The following SPATS2 variants were observed in gnomAD, a reference collection of about 807,000 sequenced individuals.
The protein encoded by SPATS2 is spermatogenesis-associated serine-rich protein 2.
SPATS2 carries 38 observed loss-of-function variants against 63.7 expected under a neutral mutation model. The observed-to-expected ratio is 0.60, with a 90% CI of 0.46 to 0.78. The LOEUF is 0.78. SPATS2 is among the 30% of genes least tolerant of loss of function. SPATS2 has a pLI of 0.00. For synonymous variants in SPATS2, 207 were observed against 232.9 expected (o/e 0.89, Z 1.01); for missense variants, 588 against 666.2 (o/e 0.88, Z 1.29).
chr12:49,518,998 C>A, intron 10 of SPATS2, 75 bp from the exon 11 acceptor site: 1 of 1,228,696 alleles, frequency 8.1e-7, no homozygotes, highest in Non-Finnish European at 1.1e-6. Flanking sequence ...ATACCTACTG[C>A]AAGGCTTATA....
intron 2 of SPATS2, among the ~76,000 whole-genome samples, chr12:49,460,003 G>A (rs1407065883): frequency 6.6e-6 from 1 of 151,734 alleles, no homozygotes; most frequent in East Asian, 1.9e-4. Context: ...AGCTACTTGG[G>A]AGGCCGAGGC....
At chr12:49,458,411 C>G (rs376918929) in intron 2 of SPATS2, among the ~76,000 whole-genome samples, 1 of 151,770 alleles carries the variant, frequency 6.6e-6, no homozygotes, top group Non-Finnish European at 1.5e-5. Flanking sequence ...AAGGTTGCAG[C>G]GAGCCAAGAT....
In SPATS2 at chr12:49,526,704, G is replaced by A. The variant is rs1947042572; in HGVS notation, c.*449G>A. ...TGTATACTGCACTGGATTCGCCAGAGAAGGGAAAATTTAATTAGTGAAAAG... is the reference window on the plus strand; with the variant it reads ...TGTATACTGCACTGGATTCGCCAGAAAAGGGAAAATTTAATTAGTGAAAAG... On this transcript the variant is annotated 3_prime_UTR_variant, in exon 14 of 14. Transcript: ENST00000552918. 6.4e-6 allele frequency: 1 copy of A among 156,958 alleles called. No individual in the cohort carries two copies. The highest frequency in any genetic ancestry group is 2.4e-5 in the African/African-American group (1 of 41,492). 9.7% of individuals were successfully genotyped at this position (156,958 alleles called of 1,614,324 possible).
At chr12:49,390,888 A>G (rs568225704) in intron 2 of SPATS2, among the ~76,000 whole-genome samples, 2 of 152,340 alleles carry the variant, frequency 1.3e-5, no homozygotes, top group Admixed American at 6.5e-5. Flanking sequence ...CTTTGAAAGA[A>G]TAAGTTTTGG....
At chr12:49,463,451 C>G (rs1242455307) in intron 3 of SPATS2, 2 of 151,058 alleles carry the variant, frequency 1.3e-5, no homozygotes, top group Non-Finnish European at 2.9e-5. Flanking sequence ...AACATAGACA[C>G]TAAGTGCTTA....
chr12:49,426,382 C>A (rs1037429867), intron 2 of SPATS2, among the ~76,000 whole-genome samples: 34 of 152,090 alleles, frequency 2.2e-4, no homozygotes, highest in African/African-American at 8.0e-4. Flanking sequence ...TATCACAAGA[C>A]CAGTATTCTG....
chr12:49,398,146 A>AAAAAAAAAAAAAAAG, intron 2 of SPATS2, among the ~76,000 whole-genome samples: 1 of 150,408 alleles, frequency 6.6e-6, no homozygotes, highest in Non-Finnish European at 1.5e-5. Flanking sequence ...AAAAAAAAAA[A>AAAAAAAAAAAAAAAG]AAAAAAAAAA....
intron 2 of SPATS2, among the ~76,000 whole-genome samples, chr12:49,402,331 G>A (rs117405501): frequency 0.018 from 2,754 of 152,246 alleles, 43 homozygotes; most frequent in Non-Finnish European, 0.029. Flanking sequence ...AAGCTGAGGA[G>A]GAAAATGAGG....
chr12:49,383,020 T>C (rs1944249527), intron 2 of SPATS2, among the ~76,000 whole-genome samples: 1 of 151,366 alleles, frequency 6.6e-6, no homozygotes, highest in African/African-American at 2.4e-5. Context: ...AATTTTATTA[T>C]TATTATTATT....
In SPATS2 at chr12:49,525,959, A is replaced by G. The variant is rs781477356; in HGVS notation, c.1342A>G (p.Arg448Gly). The G allele has an allele frequency of 6.2e-7, 1 of 1,613,866 alleles. No individual in the cohort carries two copies. The highest frequency in any genetic ancestry group is 1.1e-5 in the South Asian group (1 of 91,048). ...TCATCTTTAGGTATTGCCAGGGAACAGACGAGGAGGACAGGGCTATAGGCC... is the reference window on the plus strand; with the variant it reads ...TCATCTTTAGGTATTGCCAGGGAACGGACGAGGAGGACAGGGCTATAGGCC... ...QPLREVLPGN[R>G]RGGQGYRPQG... is the part of the protein sequence containing the mutation. The change falls in exon 14 of 14, where the codon AGA (arginine) becomes GGA (glycine). Residue 448 changes from arginine (R) to glycine (G), a missense_variant. Coordinates refer to ENST00000552918, the MANE Select transcript of SPATS2 (RefSeq NM_023071.4).
chr12:49,377,351 A>G (rs1322513537), intron 2 of SPATS2, among the ~76,000 whole-genome samples: 3 of 152,226 alleles, frequency 2.0e-5, no homozygotes, highest in South Asian at 2.1e-4. Context: ...AACAACGACT[A>G]CTAAATGTGT....
chr12:49,500,031 T>TA, intron 8 of SPATS2, 39 bp from the exon 9 acceptor site: 1 of 1,295,080 alleles, frequency 7.7e-7, no homozygotes, highest in Non-Finnish European at 9.9e-7. Flanking sequence ...ATATAATTAT[T>TA]CTTTTTTTTT....
At chr12:49,513,034 G>C (rs1359103000) in intron 9 of SPATS2, 1 of 643,898 alleles carries the variant, frequency 1.6e-6, no homozygotes, top group Non-Finnish European at 2.3e-6. Flanking sequence ...TTAACATCAT[G>C]CGTAACGATT....
intron 3 of SPATS2, among the ~76,000 whole-genome samples, chr12:49,474,103 T>C (rs957105935): frequency 1.3e-5 from 2 of 152,222 alleles, no homozygotes; most frequent in African/African-American, 4.8e-5. Context: ...TGTGTTTGCA[T>C]CGTACCTGTG....
At chr12:49,456,477 A>G (rs1020857221) in intron 2 of SPATS2, among the ~76,000 whole-genome samples, 2 of 152,264 alleles carry the variant, frequency 1.3e-5, no homozygotes, top group African/African-American at 4.8e-5. Flanking sequence ...TACTTAGGCC[A>G]CTGTAAGGAC....
chr12:49,383,013 TTTA>T (rs1255481645), intron 2 of SPATS2, among the ~76,000 whole-genome samples: 8 of 151,194 alleles, frequency 5.3e-5, no homozygotes, highest in East Asian at 3.9e-4. Flanking sequence ...CCTTTTAAAT[TTTA>T]TTATTATTAT....
chr12:49,456,653 T>G (rs1418772733), intron 2 of SPATS2, among the ~76,000 whole-genome samples: 1 of 152,216 alleles, frequency 6.6e-6, no homozygotes, highest in Non-Finnish European at 1.5e-5. Context: ...ACAAGGGTAG[T>G]AGCAGTGGAT....
chr12:49,453,641 G>C (rs1232077189), intron 2 of SPATS2, among the ~76,000 whole-genome samples: 1 of 151,932 alleles, frequency 6.6e-6, no homozygotes, highest in African/African-American at 2.4e-5. Context: ...GTGAGACCCT[G>C]TCTCTGCAAA....
chr12:49,369,096 C>T (rs1437293174), intron 1 of SPATS2, among the ~76,000 whole-genome samples: 2 of 128,820 alleles, frequency 1.6e-5, no homozygotes, highest in African/African-American at 3.1e-5. Context: ...AGTGCAGTGG[C>T]GTGATCTCGG....
Sources: gnomAD v4.1 joint callset for allele counts (sites outside exome capture counted in the v4.1 genomes callset) on GRCh38, gnomAD v4.1.1 for gene constraint, MANE v1.5 for transcripts, NCBI Gene and HGNC (gene_info 2026-07-23, HGNC 2026-07-21) for gene names.